Variants in DPP8 observed in about 807,000 individuals in gnomAD.
The protein encoded by DPP8 is dipeptidyl peptidase 8, also known as DPP VIII.
A neutral mutation model predicts 107.5 loss-of-function variants in DPP8; 31 were observed. The observed-to-expected ratio is 0.29, with a 90% confidence interval of 0.22 to 0.39. The LOEUF (loss-of-function observed/expected upper bound fraction) is 0.39, where lower values mean the gene tolerates loss of function less well. Among genes scored for constraint, DPP8 ranks in the 10% least tolerant of loss-of-function variants. The probability of loss-of-function intolerance (pLI) is 1.00; values close to 1 mark genes in which losing one functional copy is unlikely to be tolerated. For synonymous variants in DPP8, 381 were observed against 356.6 expected (o/e 1.07, Z -0.77); for missense variants, 842 against 1,076.1 (o/e 0.78, Z 3.04).
intron 17 of DPP8, among the ~76,000 whole-genome samples, chr15:65,453,579 G>A (rs1411351142): frequency 6.6e-6 from 1 of 152,002 alleles, no homozygotes; most frequent in Non-Finnish European, 1.5e-5. Flanking sequence ...GACCAGCCTA[G>A]CCAACATGGT....
At chr15:65,464,538 C>T (rs1326934928) in intron 14 of DPP8, among the ~76,000 whole-genome samples, 1 of 151,842 alleles carries the variant, frequency 6.6e-6, no homozygotes, top group Non-Finnish European at 1.5e-5. Context: ...CAAAAATTAC[C>T]CAGGCATGGA....
intron 8 of DPP8, among the ~76,000 whole-genome samples, chr15:65,483,592 A>ATAACATAACATAACATAACATAAC (rs1567219235): frequency 1.6e-5 from 1 of 60,792 alleles, no homozygotes; most frequent in African/African-American, 1.0e-4. Flanking sequence ...CAAACAATAA[A>ATAACATAACATAACATAACATAAC]ATAAAATAAA....
chr15:65,475,366 G>T, intron 11 of DPP8: 1 of 1,409,938 alleles, frequency 7.1e-7, no homozygotes, highest in Non-Finnish European at 9.9e-7. Flanking sequence ...GGGCTTTGGA[G>T]GAACAGGAGA....
At chr15:65,482,501 C>G (rs997510369) in intron 8 of DPP8, among the ~76,000 whole-genome samples, 1 of 151,982 alleles carries the variant, frequency 6.6e-6, no homozygotes, top group Non-Finnish European at 1.5e-5. Context: ...AGGCTGGTCT[C>G]GAATTCCTGA....
At chr15:65,497,032 AGGTGT>A (rs975121956) in intron 5 of DPP8, among the ~76,000 whole-genome samples, 2 of 152,082 alleles carry the variant, frequency 1.3e-5, no homozygotes, top group African/African-American at 4.8e-5. Context: ...TGGGAATTAC[AGGTGT>A]GCACCACCAT....
At chr15:65,450,902 A>G (rs181812929) in intron 19 of DPP8, 97 bp downstream of exon 19, 1 of 736,132 alleles carries the variant, frequency 1.4e-6, no homozygotes, top group Non-Finnish European at 2.3e-6. Context: ...GAGGGTGGAC[A>G]CTCTAAAAAT....
At chr15:65,513,214 CT>C (rs2071022632) in intron 1 of DPP8, among the ~76,000 whole-genome samples, 1 of 138,072 alleles carries the variant, frequency 7.2e-6, no homozygotes, top group African/African-American at 2.5e-5. Context: ...TGTGGTGACT[CT>C]ACATTTTTTT....
At chr15:65,447,172 G>A (rs986829901) in intron 19 of DPP8, among the ~76,000 whole-genome samples, 166 bp from the exon 20 acceptor site, 1 of 152,028 alleles carries the variant, frequency 6.6e-6, no homozygotes. Context: ...TTCATCTTAT[G>A]ATTTCCTTAT....
At chr15:65,500,941 G>C (rs942338740) in intron 3 of DPP8, among the ~76,000 whole-genome samples, 162 bp from the exon 4 acceptor site, 2 of 147,142 alleles carry the variant, frequency 1.4e-5, no homozygotes, top group Non-Finnish European at 3.0e-5. Context: ...GCAGTGGAGC[G>C]ATCTTGGCTC....
chr15:65,499,569 G>T (rs1273575480), intron 4 of DPP8, among the ~76,000 whole-genome samples: 1 of 151,474 alleles, frequency 6.6e-6, no homozygotes, highest in East Asian at 1.9e-4. Context: ...TTTAAAATTT[G>T]TATGTTTTTT....
chr15:65,469,984 G>T (rs1377551050), intron 12 of DPP8, among the ~76,000 whole-genome samples: 1 of 151,808 alleles, frequency 6.6e-6, no homozygotes, highest in Non-Finnish European at 1.5e-5. Context: ...ATTGCCTGAC[G>T]TCAGGAGTTC....
intron 1 of DPP8, among the ~76,000 whole-genome samples, chr15:65,514,766 T>C (rs1380374183): frequency 6.6e-6 from 1 of 152,192 alleles, no homozygotes; most frequent in Non-Finnish European, 1.5e-5. Context: ...CGCCTTGGCC[T>C]CCCAAAGTGC....
In DPP8 at chr15:65,445,001, T is replaced by C. The variant is rs961438013; in HGVS notation, c.*1883A>G. On this transcript the variant is annotated 3_prime_UTR_variant, in exon 20 of 20. Coordinates refer to ENST00000300141, the MANE Select transcript of DPP8 (RefSeq NM_130434.5). ...TCAATTTAATTTAACATTGAAAATA[T>C]ATATAAACAAATCTTGGCATGGGAA... The C allele has an allele frequency of 3.3e-5, 5 of 152,154 alleles. No homozygotes were observed. The highest frequency in any genetic ancestry group is 2.1e-4 in the South Asian group (1 of 4,832). The allele number at this position is 152,154 out of a possible 1,614,324, so 9.4% of individuals were successfully genotyped here.
At position 65,507,339 on chromosome 15, in the gene DPP8, G is replaced by A. The variant is rs370625327; in HGVS notation, c.276C>T (p.Asn92=). The part of the protein sequence containing the change: ...RIYYLAMSGE[N]RENTLFYSEI... ...CAGAATAAAACAGTGTATTTTCTCT[G>A]TTCTCACCAGACATGGCTATAGGAG... The change falls in exon 3 of 20, where the codon AAC becomes AAT. Residue 92 remains asparagine (N), a synonymous_variant. Coordinates refer to ENST00000300141, the MANE Select transcript of DPP8 (RefSeq NM_130434.5). The A allele has an allele frequency of 1.9e-6, 3 of 1,604,134 alleles. No homozygotes were observed. Among genetic ancestry groups the A allele is most frequent in the Non-Finnish European group, 2.6e-6 (3 of 1,171,900 alleles).
intron 12 of DPP8, among the ~76,000 whole-genome samples, chr15:65,473,738 T>C (rs914567955): frequency 1.3e-5 from 2 of 152,106 alleles, no homozygotes; most frequent in Non-Finnish European, 2.9e-5. Context: ...ATAAATGAGA[T>C]TTATCATTTA....
At position 65,454,431 on chromosome 15, in the gene DPP8, G is replaced by T; in HGVS notation, c.2119-16C>A. 1 of 1,580,568 alleles carries T rather than the reference G, an allele frequency of 6.3e-7. No individual in the cohort carries two copies. Among genetic ancestry groups the T allele is most frequent in the South Asian group, 1.2e-5 (1 of 83,848 alleles). ...CTATTTGACCCTGTCAAAAAAGGGA[G>T]AACATTTCACTGATTCTGATGAATA... On this transcript the variant is annotated splice_polypyrimidine_tract_variant and intron_variant, in intron 16 of 19. Transcript: ENST00000300141.
chr15:65,478,391 C>A (rs1264818332), intron 11 of DPP8, among the ~76,000 whole-genome samples: 8 of 152,106 alleles, frequency 5.3e-5, no homozygotes, highest in Non-Finnish European at 1.0e-4. Context: ...CCCGAGTAAG[C>A]TAAGACTACA....
chr15:65,499,105 G>GTGTGTGTGTTTGTGTGTGTGTGTATA lies in DPP8; in HGVS notation c.547-1074_547-1073insTATACACACACACACAAACACACACA, dbSNP rs1555468189. Among the ~76,000 whole-genome samples the GTGTGTGTGTTTGTGTGTGTGTGTATA allele has an allele frequency of 1.6e-3, 223 of 138,822 alleles. 1 individual carries two copies. Among genetic ancestry groups the GTGTGTGTGTTTGTGTGTGTGTGTATA allele is most frequent in the African/African-American group, 5.4e-3 (204 of 37,660 alleles). 91.1% of individuals were successfully genotyped at this position (138,822 alleles called of 152,430 possible). Reference sequence around the variant, plus strand: ...TGTGTGTGTGTGTGTGTGTGTGTGTGTATATATAAATTTATTAAGATGAAT... The same window carrying GTGTGTGTGTTTGTGTGTGTGTGTATA: ...TGTGTGTGTGTGTGTGTGTGTGTGTGTGTGTGTGTTTGTGTGTGTGTGTATATATATATAAATTTATTAAGATGAAT... On this transcript the variant is annotated intron_variant, in intron 4 of 19. Transcript: ENST00000300141.
chr15:65,507,298 A>C lies in DPP8; in HGVS notation c.317T>G (p.Ile106Ser). 1 of 1,613,082 alleles carries C rather than the reference A, an allele frequency of 6.2e-7. No individual in the cohort carries two copies. The highest frequency in any genetic ancestry group is 8.5e-7 in the Non-Finnish European group (1 of 1,179,434). Residue 106 changes from isoleucine (I) to serine (S), a missense_variant, in exon 3 of 20, where the codon ATC becomes AGC. Ile to Ser is a moderately radical substitution (Grantham distance 142). This residue lies in a region of DPP8 where 663 missense variants were observed against 758.0 expected (regional missense o/e 0.87). Transcript: ENST00000300141. ...TLFYSEIPKT[I>S]NRAAVLMLSW... The stretch of plus-strand genomic sequence containing the variant: ...GAGCATTAAGACTGCTGCTCTATTG[A>C]TAGTTTTGGGAATTTCAGAATAAAA...
Sources: allele counts gnomAD v4.1 joint callset (sites outside exome capture counted in the v4.1 genomes callset), GRCh38; gene constraint gnomAD v4.1.1; regional missense constraint gnomAD v4.1.1; transcripts MANE v1.5; gene names NCBI Gene and HGNC (gene_info 2026-07-23, HGNC 2026-07-21).